RTP2: variants seen among roughly 807,000 people sequenced by gnomAD.
RTP2 encodes the protein receptor-transporting protein 2.
Under a neutral mutation model 17.9 loss-of-function variants are expected in RTP2, and 12 were observed. That is an observed-to-expected ratio of 0.67 (90% confidence interval 0.43 to 1.09). The LOEUF is 1.09. RTP2 is among the 50% of genes least tolerant of loss of function. The pLI is 0.00. For synonymous variants in RTP2, 126 were observed against 117.7 expected, an observed-to-expected ratio of 1.07 and a Z score of -0.46; for missense variants, 327 against 295.7, an observed-to-expected ratio of 1.11 and a Z score of -0.78.
chr3:187,710,501 G>A, the RTP2 span, among the ~76,000 whole-genome samples: 2 of 147,350 alleles, frequency 1.4e-5, no homozygotes, highest in Admixed American at 6.7e-5. Context: ...CATATGATAT[G>A]TATGGTTCTC....
At chr3:187,705,623 C>T (rs191637438), upstream of RTP2, among the ~76,000 whole-genome samples, 232 of 152,274 alleles carry the variant, frequency 1.5e-3, 1 homozygote, top group African/African-American at 5.4e-3. Context: ...AAGTCTCTCA[C>T]GATAAATAGA....
upstream of RTP2, among the ~76,000 whole-genome samples, chr3:187,704,271 A>G (rs1224609574): frequency 1.3e-5 from 2 of 152,234 alleles, no homozygotes; most frequent in Non-Finnish European, 2.9e-5. Flanking sequence ...GTTAATGAAG[A>G]GCTTTGTAAA....
the RTP2 span, among the ~76,000 whole-genome samples, chr3:187,712,403 T>A: frequency 1.3e-5 from 2 of 152,306 alleles, no homozygotes; most frequent in Non-Finnish European, 2.9e-5. Context: ...TGTTTTGTCA[T>A]AGCTGTTTTT....
At chr3:187,710,660 C>A in the RTP2 span, among the ~76,000 whole-genome samples, 4 of 151,782 alleles carry the variant, frequency 2.6e-5, no homozygotes, top group Non-Finnish European at 1.5e-5. Flanking sequence ...TATACACACC[C>A]CACATATAGT....
At chr3:187,701,939 A>G in intron 1 of RTP2, 26 bp downstream of exon 1, 2 of 1,544,610 alleles carry the variant, frequency 1.3e-6, no homozygotes, top group Non-Finnish European at 1.8e-6. Flanking sequence ...GCTGTCTGCA[A>G]GGTCCCTCCC....
At chr3:187,703,559 T>C (rs183840750), upstream of RTP2, among the ~76,000 whole-genome samples, 1 of 152,282 alleles carries the variant, frequency 6.6e-6, no homozygotes, top group Admixed American at 6.5e-5. Flanking sequence ...TTTATTGACA[T>C]TGAATTAAAA....
the RTP2 span, among the ~76,000 whole-genome samples, chr3:187,713,668 A>T: frequency 1.3e-5 from 2 of 152,162 alleles, no homozygotes; most frequent in African/African-American, 4.8e-5. Flanking sequence ...TGAAGTTACA[A>T]AGTTACACCC....
exon 2 of RTP2, chr3:187,698,511 G>C (rs748151162): frequency 6.2e-7 from 1 of 1,609,690 alleles, no homozygotes; most frequent in Admixed American, 1.7e-5. Context: ...AAAGAAGGCA[G>C]GACTGAGGAA....
At chr3:187,711,923 C>A in the RTP2 span, among the ~76,000 whole-genome samples, 1 of 152,024 alleles carries the variant, frequency 6.6e-6, no homozygotes, top group Admixed American at 6.5e-5. Context: ...ATAGAACATT[C>A]TCAAAAAGAC....
At chr3:187,709,848 G>C in the RTP2 span, among the ~76,000 whole-genome samples, 1 of 152,092 alleles carries the variant, frequency 6.6e-6, no homozygotes, top group African/African-American at 2.4e-5. Flanking sequence ...TTGACCAAGG[G>C]GTGCTCAAAT....
the RTP2 span, among the ~76,000 whole-genome samples, chr3:187,713,714 T>C: frequency 6.6e-6 from 1 of 152,302 alleles, no homozygotes; most frequent in South Asian, 2.1e-4. Flanking sequence ...ATCAGTCTGA[T>C]TGGTTGCAGG....
upstream of RTP2, among the ~76,000 whole-genome samples, chr3:187,707,391 T>C (rs1050197329): frequency 2.9e-4 from 44 of 152,234 alleles, no homozygotes; most frequent in African/African-American, 1.0e-3. Context: ...TCACAGCAGG[T>C]AGGGAAGTCA....
At chr3:187,702,090 G>T (rs1717866622) in exon 1 of RTP2, 1 of 1,613,270 alleles carries the variant, frequency 6.2e-7, no homozygotes, top group Non-Finnish European at 8.5e-7. Flanking sequence ...TCTCATAGAA[G>T]ACTTTCTTCC....
chr3:187,706,340 T>G (rs1367766345), upstream of RTP2, among the ~76,000 whole-genome samples: 1 of 152,230 alleles, frequency 6.6e-6, no homozygotes, highest in African/African-American at 2.4e-5. Flanking sequence ...TCTTGATATA[T>G]GCTTATAGAC....
exon 2 of RTP2, chr3:187,698,554 G>A (rs1717747806): frequency 6.2e-7 from 1 of 1,614,042 alleles, no homozygotes. Flanking sequence ...AGCAGGCAGA[G>A]AGAGGCCCAG....
upstream of RTP2, among the ~76,000 whole-genome samples, chr3:187,703,969 CT>C (rs1349646632): frequency 3.3e-5 from 5 of 152,082 alleles, no homozygotes; most frequent in Non-Finnish European, 5.9e-5. Context: ...ACTGTTTTCA[CT>C]TTTCATACAA....
upstream of RTP2, among the ~76,000 whole-genome samples, chr3:187,704,589 G>T (rs1384180123): frequency 6.6e-6 from 1 of 152,188 alleles, no homozygotes; most frequent in African/African-American, 2.4e-5. Flanking sequence ...TGAGTAAAAT[G>T]AGCTAGTGGT....
chr3:187,699,709 TATTC>T lies in RTP2; in HGVS notation c.165-702_165-699del, dbSNP rs544790826. On this transcript the variant is annotated intron_variant, in intron 1 of 1. Coordinates refer to ENST00000358241, the Ensembl canonical transcript of RTP2. ...CTGCAGTGGGGACTGGAAAAGAGGG[TATTC>T]ATTCCCATTGCCACTCCACACACAC... is the stretch of plus-strand genomic sequence containing the variant. Among the ~76,000 whole-genome samples, 277 of 149,302 alleles carry T rather than the reference TATTC, an allele frequency of 1.9e-3. 2 individuals carry two copies. The highest frequency in any genetic ancestry group is 6.5e-3 in the African/African-American group (264 of 40,364).
At chr3:187,711,627 T>G in the RTP2 span, among the ~76,000 whole-genome samples, 2 of 152,184 alleles carry the variant, frequency 1.3e-5, no homozygotes, top group Non-Finnish European at 2.9e-5. Context: ...TCTTAAACAT[T>G]TATGCTGACT....
Sources: gnomAD v4.1 joint callset for allele counts (sites outside exome capture counted in the v4.1 genomes callset) on GRCh38, gnomAD v4.1.1 for gene constraint, MANE v1.5 for transcripts, NCBI Gene and HGNC (gene_info 2026-07-23, HGNC 2026-07-21) for gene names.